The following SLC2A9 variants were observed in gnomAD, a reference collection of about 807,000 sequenced individuals.
SLC2A9 encodes solute carrier family 2 member 9, also known as solute carrier family 2, facilitated glucose transporter member 9.
A neutral mutation model predicts 50.6 loss-of-function variants in SLC2A9; 39 were observed. The observed-to-expected ratio is 0.77, with a 90% CI of 0.60 to 1.01. The LOEUF (loss-of-function observed/expected upper bound fraction) is 1.01, where lower values mean the gene tolerates loss of function less well. Among genes scored for constraint, SLC2A9 ranks in the 50% least tolerant of loss-of-function variants. SLC2A9 has a pLI of 0.00. For missense variants in SLC2A9, 686 were observed against 677.6 expected (o/e 1.01, Z -0.14); for synonymous variants, 324 against 276.9 (o/e 1.17, Z -1.69).
chr4:9,927,189 C>CTAATTTTT (rs57070577), intron 6 of SLC2A9, among the ~76,000 whole-genome samples: 28,548 of 151,854 alleles, frequency 0.19, 2,883 homozygotes, highest in Non-Finnish European at 0.21. Flanking sequence ...GCCACCACGC[C>CTAATTTTT]TGTATTTAGT....
chr4:9,833,942 C>A (rs16889270), intron 11 of SLC2A9, among the ~76,000 whole-genome samples: 2,220 of 152,312 alleles, frequency 0.015, 53 homozygotes, highest in African/African-American at 0.05. Context: ...TTGCTCTGTG[C>A]AGAAGGCTTG....
chr4:10,016,099 G>C (rs141767347), intron 2 of SLC2A9, among the ~76,000 whole-genome samples: 326 of 152,300 alleles, frequency 2.1e-3, no homozygotes, highest in Middle Eastern at 6.8e-3. Flanking sequence ...AGGTTCAAAG[G>C]ACACCAGGCT....
At chr4:10,007,208 T>C (rs987303058) in intron 2 of SLC2A9, among the ~76,000 whole-genome samples, 2 of 152,186 alleles carry the variant, frequency 1.3e-5, no homozygotes, top group African/African-American at 4.8e-5. Context: ...TACACCTCCC[T>C]TGTCCTAAGG....
At chr4:10,018,928 T>C in intron 2 of SLC2A9, 47 bp downstream of exon 2, 1 of 1,538,096 alleles carries the variant, frequency 6.5e-7, no homozygotes, top group Non-Finnish European at 8.8e-7. Context: ...ACCCGAAGGT[T>C]TCCGCAGGGC....
At chr4:9,796,518 TA>T (rs1272139453), downstream of SLC2A9, among the ~76,000 whole-genome samples, 1 of 152,250 alleles carries the variant, frequency 6.6e-6, no homozygotes, top group Non-Finnish European at 1.5e-5. Context: ...AGATTCTTTA[TA>T]TAAAGGACTT....
intron 5 of SLC2A9, among the ~76,000 whole-genome samples, chr4:9,972,785 G>A (rs1173388325): frequency 1.3e-5 from 2 of 152,198 alleles, no homozygotes; most frequent in Non-Finnish European, 1.5e-5. Flanking sequence ...TCTCTGAGAT[G>A]CAGCAAAAGC....
chr4:9,829,055 G>T (rs180841580), intron 11 of SLC2A9, among the ~76,000 whole-genome samples: 1 of 152,112 alleles, frequency 6.6e-6, no homozygotes, highest in African/African-American at 2.4e-5. Flanking sequence ...TTTTCCCAAG[G>T]GACCTGATGG....
rs117023033 is a variant in SLC2A9 at position 9,989,227 on chromosome 4, C to G, written c.411-3434G>C. On this transcript the variant is annotated intron_variant, in intron 3 of 11. Transcript: ENST00000264784. ...CTGGCAAAACCCCAGCTGGTTAAATCTCTGTCTACTGGGCATCTACAAAGC... is the reference window on the plus strand; with the variant it reads ...CTGGCAAAACCCCAGCTGGTTAAATGTCTGTCTACTGGGCATCTACAAAGC... Among the ~76,000 whole-genome samples the G allele has an allele frequency of 6.4e-4, 97 of 152,304 alleles. 2 individuals carry two copies. The East Asian group carries it at 0.018, about 28-fold the overall frequency.
At position 9,845,423 on chromosome 4, in the gene SLC2A9, A is replaced by ATTTTTTTTTTTTTTT. The variant is rs1183351674; in HGVS notation, c.1292-10416_1292-10415insAAAAAAAAAAAAAAA. 4.6e-4 allele frequency among the ~76,000 whole-genome samples: 60 copies of ATTTTTTTTTTTTTTT among 130,818 alleles called. 1 individual carries two copies. The highest frequency in any genetic ancestry group is 1.7e-3 in the African/African-American group (53 of 31,650). 85.8% of individuals were successfully genotyped at this position (130,818 alleles called of 152,430 possible). On this transcript the variant is annotated intron_variant, in intron 10 of 11. Coordinates refer to ENST00000264784, the MANE Select transcript of SLC2A9 (RefSeq NM_020041.3). ...TATTCCAATGGAACCACGATCATCAATTTCTTTTTTTTTTTTTTTTTTTTG... is the reference window on the plus strand; with the variant it reads ...TATTCCAATGGAACCACGATCATCAATTTTTTTTTTTTTTTTTTCTTTTTTTTTTTTTTTTTTTTG...
intron 5 of SLC2A9, among the ~76,000 whole-genome samples, chr4:9,974,669 C>A (rs971644809): frequency 6.6e-6 from 1 of 152,016 alleles, no homozygotes. Context: ...ATTAAAATAG[C>A]AATACTGCCC....
chr4:9,977,816 C>G lies in SLC2A9; in HGVS notation c.681+2776G>C, dbSNP rs115140792. Among the ~76,000 whole-genome samples the G allele has an allele frequency of 9.4e-3, 1,436 of 152,248 alleles. 26 individuals carry two copies. Among genetic ancestry groups the G allele is most frequent in the African/African-American group, 0.033 (1,385 of 41,534 alleles). On this transcript the variant is annotated intron_variant, in intron 5 of 11. Transcript: ENST00000264784. ...CCATTGGTCAATTGCCCTCCTGTGA[C>G]CTCCGAAGGGCAGGGCTAGCCTGAT...
chr4:9,989,577 C>A (rs1006219634), intron 3 of SLC2A9, among the ~76,000 whole-genome samples: 1 of 152,042 alleles, frequency 6.6e-6, no homozygotes, highest in African/African-American at 2.4e-5. Flanking sequence ...GTTTTCCAAC[C>A]CTGGTGCAAA....
intron 3 of SLC2A9, among the ~76,000 whole-genome samples, chr4:9,815,627 C>T (rs1265302755): frequency 6.6e-6 from 1 of 152,160 alleles, no homozygotes; most frequent in African/African-American, 2.4e-5. Context: ...TTCATTTGTT[C>T]CTCCCTCCAA....
At chr4:9,828,540 C>T (rs1012463480) in intron 11 of SLC2A9, among the ~76,000 whole-genome samples, 2 of 152,194 alleles carry the variant, frequency 1.3e-5, no homozygotes, top group African/African-American at 4.8e-5. Context: ...TCTGATCTTA[C>T]TCTCCTCACT....
At chr4:9,909,990 C>T (rs1000452956) in intron 7 of SLC2A9, among the ~76,000 whole-genome samples, 1 of 152,122 alleles carries the variant, frequency 6.6e-6, no homozygotes, top group Non-Finnish European at 1.5e-5. Context: ...ATGTTTTTAG[C>T]AAAAATTATT....
intron 8 of SLC2A9, among the ~76,000 whole-genome samples, chr4:9,891,086 G>A (rs1050219379): frequency 7.9e-5 from 12 of 152,206 alleles, no homozygotes; most frequent in African/African-American, 2.9e-4. Context: ...GTGTCTCCAT[G>A]TTGTGGGTTT....
At chr4:9,829,756 GA>G (rs776285563) in intron 11 of SLC2A9, among the ~76,000 whole-genome samples, 4 of 152,020 alleles carry the variant, frequency 2.6e-5, no homozygotes, top group Admixed American at 2.6e-4. Flanking sequence ...AAAAACATAT[GA>G]AAAAAAGCTC....
chr4:9,928,591 G>A (rs1745327430), intron 6 of SLC2A9, among the ~76,000 whole-genome samples: 1 of 152,118 alleles, frequency 6.6e-6, no homozygotes, highest in South Asian at 2.1e-4. Flanking sequence ...AAAATTAGCT[G>A]GGCGTGGTGG....
At chr4:9,808,606 G>A (rs1445104622) in intron 3 of SLC2A9, among the ~76,000 whole-genome samples, 3 of 152,142 alleles carry the variant, frequency 2.0e-5, no homozygotes, top group African/African-American at 7.2e-5. Flanking sequence ...TTATTAGTAT[G>A]GTTCCACATT....
Sources: allele counts gnomAD v4.1 joint callset (sites outside exome capture counted in the v4.1 genomes callset), GRCh38; gene constraint gnomAD v4.1.1; transcripts MANE v1.5; gene names NCBI Gene and HGNC (gene_info 2026-07-23, HGNC 2026-07-21).